SESTD1: variants seen among roughly 807,000 people sequenced by gnomAD.
SESTD1 encodes the protein SEC14 domain and spectrin repeat-containing protein 1.
A neutral mutation model predicts 101.7 loss-of-function variants in SESTD1; 43 were observed. That is an observed-to-expected ratio of 0.42 (90% CI 0.33 to 0.55). The LOEUF is 0.55. Ranked by LOEUF, SESTD1 falls within the 20% of genes least tolerant of loss-of-function variation. SESTD1 has a pLI of 0.07. For synonymous variants in SESTD1, 283 were observed against 286.8 expected, an observed-to-expected ratio of 0.99 and a Z score of 0.13; for missense variants, 647 against 815.1, an observed-to-expected ratio of 0.79 and a Z score of 2.51.
intron 2 of SESTD1, among the ~76,000 whole-genome samples, chr2:179,185,281 A>G (rs1436339845): frequency 6.7e-6 from 1 of 150,100 alleles, no homozygotes; most frequent in Non-Finnish European, 1.5e-5. Context: ...ATGAATAAGA[A>G]TATTTACAAA....
chr2:179,238,617 T>C (rs2105544781), intron 1 of SESTD1, among the ~76,000 whole-genome samples: 1 of 152,246 alleles, frequency 6.6e-6, no homozygotes, highest in Non-Finnish European at 1.5e-5. Flanking sequence ...TAGAAACTTA[T>C]TGCTCAATAA....
intron 1 of SESTD1, among the ~76,000 whole-genome samples, chr2:179,246,867 G>T (rs1408710937): frequency 6.6e-6 from 1 of 152,226 alleles, no homozygotes; most frequent in East Asian, 1.9e-4. Flanking sequence ...GAAGGTGGCA[G>T]AGTGAAAGTA....
intron 2 of SESTD1, among the ~76,000 whole-genome samples, chr2:179,184,545 T>C (rs2105488298): frequency 6.6e-6 from 1 of 151,890 alleles, no homozygotes; most frequent in South Asian, 2.1e-4. Context: ...TTGTTCAGAA[T>C]ATGTGTCATT....
At chr2:179,232,371 A>T (rs1229562074) in intron 1 of SESTD1, among the ~76,000 whole-genome samples, 1 of 152,086 alleles carries the variant, frequency 6.6e-6, no homozygotes, top group Non-Finnish European at 1.5e-5. Context: ...AGAGACTAGA[A>T]ATAATAAAGA....
chr2:179,239,728 C>A (rs1402937695), intron 1 of SESTD1, among the ~76,000 whole-genome samples: 1 of 152,140 alleles, frequency 6.6e-6, no homozygotes, highest in Non-Finnish European at 1.5e-5. Context: ...AATAAGGCAT[C>A]ATTTAGCACT....
rs542692454 is a variant in SESTD1, at chr2:179,256,252, T to C, written c.-26+8247A>G. On this transcript the variant is annotated intron_variant, in intron 1 of 17. Transcript: ENST00000428443. Reference sequence around the variant, plus strand: ...ATAGATAGTGATTTCTCTGATGGATTTGGGCAAAGTAAATTGAGAACATTC... The same window carrying C: ...ATAGATAGTGATTTCTCTGATGGATCTGGGCAAAGTAAATTGAGAACATTC... Among the ~76,000 whole-genome samples, 6 of 152,312 alleles carry C rather than the reference T, an allele frequency of 3.9e-5. No homozygotes were observed. In the East Asian group the frequency reaches 7.7e-4, roughly 20 times the overall value.
At chr2:179,133,219 AC>A (rs2045052064) in intron 9 of SESTD1, among the ~76,000 whole-genome samples, 2 of 152,006 alleles carry the variant, frequency 1.3e-5, no homozygotes, top group African/African-American at 4.8e-5. Context: ...TATGGGAGAC[AC>A]TCTGGCATCA....
At chr2:179,243,957 TATATAC>T (rs989452911) in intron 1 of SESTD1, among the ~76,000 whole-genome samples, 28 of 148,236 alleles carry the variant, frequency 1.9e-4, no homozygotes, top group African/African-American at 6.9e-4. Flanking sequence ...TATATATATA[TATATAC>T]ACACACACAC....
intron 5 of SESTD1, among the ~76,000 whole-genome samples, chr2:179,171,282 C>T (rs1289161001): frequency 6.6e-6 from 1 of 152,120 alleles, no homozygotes; most frequent in Non-Finnish European, 1.5e-5. Context: ...CAAGCCATCT[C>T]CTTTAAGAAT....
rs182414285 is a variant in SESTD1 at position 179,216,644 on chromosome 2, A to G, written c.-25-24778T>C. Among the ~76,000 whole-genome samples the G allele has an allele frequency of 8.9e-5, 12 of 135,452 alleles. No individual in the cohort carries two copies. The East Asian group carries it at 2.4e-3, about 27-fold the overall frequency. The allele number at this position is 135,452 out of a possible 152,430, so 88.9% of individuals were successfully genotyped here. On this transcript the variant is annotated intron_variant, in intron 1 of 17. Transcript: ENST00000428443. ...TGGAAAAAACTACTTTAAAGTTCAT[A>G]TGCAACCAAAAAAGGAGTCCACATT...
chr2:179,254,966 T>C (rs1461928344), intron 1 of SESTD1, among the ~76,000 whole-genome samples: 4 of 152,190 alleles, frequency 2.6e-5, no homozygotes, highest in Non-Finnish European at 5.9e-5. Flanking sequence ...ATTATATCTG[T>C]TATGGTGATC....
intron 5 of SESTD1, among the ~76,000 whole-genome samples, chr2:179,170,137 GA>G (rs2045905081): frequency 6.6e-6 from 1 of 150,550 alleles, no homozygotes; most frequent in South Asian, 2.1e-4. Flanking sequence ...GTAAGGCAAA[GA>G]TTTCTCAGAT....
intron 12 of SESTD1, among the ~76,000 whole-genome samples, chr2:179,122,306 A>G (rs912985451): frequency 1.3e-5 from 2 of 152,230 alleles, no homozygotes; most frequent in Admixed American, 1.3e-4. Flanking sequence ...ATAGGAGAAC[A>G]AGGCAAACAT....
chr2:179,211,576 T>C lies in SESTD1; in HGVS notation c.-25-19710A>G. Among the ~76,000 whole-genome samples, 2 of 133,674 alleles carry C rather than the reference T, an allele frequency of 1.5e-5. 1 individual carries two copies. The highest frequency in any genetic ancestry group is 3.2e-5 in the Non-Finnish European group (2 of 62,446). 87.7% of individuals were successfully genotyped at this position (133,674 alleles called of 152,430 possible). ...TAAAATGGAGAAAAGGACACCCTAC[T>C]ACCCTACTAAACAAATGGTGCTGGG... On this transcript the variant is annotated intron_variant, in intron 1 of 17. Transcript: ENST00000428443.
intron 9 of SESTD1, 87 bp downstream of exon 9, chr2:179,143,505 T>C (rs760642359): frequency 2.8e-5 from 31 of 1,118,522 alleles, no homozygotes; most frequent in East Asian, 9.9e-5. Flanking sequence ...GTTTTCTATA[T>C]AGTGTATATA....
At position 179,257,734 on chromosome 2, in the gene SESTD1, C is replaced by T. The variant is rs141317126; in HGVS notation, c.-26+6765G>A. Among the ~76,000 whole-genome samples the T allele has an allele frequency of 2.0e-3, 303 of 152,236 alleles. 1 individual carries two copies. The highest frequency in any genetic ancestry group is 6.7e-3 in the African/African-American group (280 of 41,522). ...ATTGTATAATATAAAAACCTATTTA[C>T]GGTATGGAGTGGGCCACAAATCTAG... On this transcript the variant is annotated intron_variant, in intron 1 of 17. Coordinates refer to ENST00000428443, the MANE Select transcript of SESTD1 (RefSeq NM_178123.5).
chr2:179,232,078 C>T (rs2046996721), intron 1 of SESTD1, among the ~76,000 whole-genome samples: 1 of 151,942 alleles, frequency 6.6e-6, no homozygotes, highest in African/African-American at 2.4e-5. Flanking sequence ...CTCAAATGGA[C>T]ATCAATATTG....
At chr2:179,127,415 A>G (rs1337275528) in intron 10 of SESTD1, among the ~76,000 whole-genome samples, 1 of 152,260 alleles carries the variant, frequency 6.6e-6, no homozygotes, top group Non-Finnish European at 1.5e-5. Context: ...GCCTAGAACA[A>G]CACATGACAC....
At chr2:179,177,901 T>C (rs2046038665) in intron 3 of SESTD1, among the ~76,000 whole-genome samples, 1 of 152,174 alleles carries the variant, frequency 6.6e-6, no homozygotes, top group African/African-American at 2.4e-5. Flanking sequence ...TGCTAAAACA[T>C]GGCTAAACCT....
Sources: gnomAD v4.1 joint callset for allele counts (sites outside exome capture counted in the v4.1 genomes callset) on GRCh38, gnomAD v4.1.1 for gene constraint, MANE v1.5 for transcripts, NCBI Gene and HGNC (gene_info 2026-07-23, HGNC 2026-07-21) for gene names.